The following WDR43 variants were observed in gnomAD, a reference collection of about 807,000 sequenced individuals.
WDR43 encodes the protein WD repeat-containing protein 43.
A neutral mutation model predicts 91.4 loss-of-function variants in WDR43; 13 were observed. The ratio of observed to expected loss-of-function variants is 0.14; its 90% CI spans 0.09 to 0.23. The LOEUF (loss-of-function observed/expected upper bound fraction) is 0.23. WDR43 is among the 10% of genes least tolerant of loss of function. The pLI is 1.00. For missense variants in WDR43, 780 were observed against 809.4 expected (o/e 0.96, Z 0.44); for synonymous variants, 331 against 287.9 (o/e 1.15, Z -1.51).
intron 4 of WDR43, chr2:28,913,634 A>C: frequency 1.9e-6 from 1 of 518,928 alleles, no homozygotes; most frequent in South Asian, 1.4e-5. Context: ...AGGAGGAAAA[A>C]GCTTTCACTC....
rs1190267069 is a variant in WDR43 at position 28,914,101 on chromosome 2, A to G, written c.639A>G (p.Ser213=). The change falls in exon 5 of 18, where the codon TCA becomes TCG. Residue 213 remains serine, a synonymous_variant. Coordinates refer to ENST00000407426, the MANE Select transcript of WDR43 (RefSeq NM_015131.3). Reference sequence around the variant, plus strand: ...CAGGACATGCAACGCCAGTTTCGTCACTGATGTTCACTACCATCAGACCTC... The same window carrying G: ...CAGGACATGCAACGCCAGTTTCGTCGCTGATGTTCACTACCATCAGACCTC... ...HFTGHATPVS[S]LMFTTIRPPN... 2.5e-6 allele frequency: 4 copies of G among 1,613,840 alleles called. No homozygotes were observed. The highest frequency in any genetic ancestry group is 1.1e-5 in the South Asian group (1 of 91,050).
chr2:28,907,460 A>AC (rs1360353472), intron 3 of WDR43, among the ~76,000 whole-genome samples: 3 of 146,032 alleles, frequency 2.1e-5, no homozygotes, highest in African/African-American at 7.5e-5. Flanking sequence ...AAAAAAAAAA[A>AC]AAAAAAAATT....
At chr2:28,927,255 G>T in intron 9 of WDR43, 1 of 479,900 alleles carries the variant, frequency 2.1e-6, no homozygotes, top group Non-Finnish European at 4.1e-6. Flanking sequence ...AAAGCCAGTT[G>T]AATTTAGTAG....
At chr2:28,916,983 A>G (rs1487875693) in intron 5 of WDR43, among the ~76,000 whole-genome samples, 36 of 152,198 alleles carry the variant, frequency 2.4e-4, no homozygotes, top group Admixed American at 2.2e-3. Context: ...CTTATTTAAC[A>G]CATATTTTCA....
At chr2:28,901,432 C>T (rs957460780) in intron 1 of WDR43, among the ~76,000 whole-genome samples, 1 of 152,220 alleles carries the variant, frequency 6.6e-6, no homozygotes, top group African/African-American at 2.4e-5. Flanking sequence ...CTTGTGTGCT[C>T]TGAGCTGCTC....
At chr2:28,916,984 CAT>C (rs1670923530) in intron 5 of WDR43, among the ~76,000 whole-genome samples, 1 of 152,292 alleles carries the variant, frequency 6.6e-6, no homozygotes, top group South Asian at 2.1e-4. Flanking sequence ...TTATTTAACA[CAT>C]ATTTTCACTG....
At position 28,947,877 on chromosome 2, in the gene WDR43, T is replaced by C. The variant is rs892640164; in HGVS notation, c.*1098T>C. ...TTATCAGTAGTAGTTTTTTTTTTTT[T>C]TTTTTTTTTTTTAAAGAATGAGCCG... On this transcript the variant is annotated 3_prime_UTR_variant, in exon 18 of 18. Transcript: ENST00000407426. 11 of 149,578 alleles carry C rather than the reference T, an allele frequency of 7.4e-5. No individual in the cohort carries two copies. Among genetic ancestry groups the C allele is most frequent in the Non-Finnish European group, 1.6e-4 (11 of 67,258 alleles). 9.3% of individuals were successfully genotyped at this position (149,578 alleles called of 1,614,324 possible).
Position 28,924,881 on chromosome 2 carries a change from G to A in WDR43, c.915-101G>A, listed in dbSNP as rs1322612201. 3 of 1,418,378 alleles carry A rather than the reference G, an allele frequency of 2.1e-6. No homozygotes were observed. The East Asian group carries it at 6.9e-5, about 32-fold the overall frequency. The allele number at this position is 1,418,378 out of a possible 1,614,324, so 87.9% of individuals were successfully genotyped here. ...GGTGACTCCTGATGGCAGTATAGAG[G>A]CTAGAGGGGGGTCACATTTCGTGAC... On this transcript the variant is annotated intron_variant, in intron 7 of 17. Transcript: ENST00000407426.
At chr2:28,899,640 G>T (rs540685878) in intron 1 of WDR43, among the ~76,000 whole-genome samples, 2 of 152,298 alleles carry the variant, frequency 1.3e-5, no homozygotes, top group East Asian at 3.9e-4. Context: ...AACATGTTTA[G>T]ATAGTAAATG....
rs528100010 is a variant in WDR43 at position 28,948,058 on chromosome 2, G to C, written c.*1279G>C. 6.6e-6 allele frequency: 1 copy of C among 152,022 alleles called. No individual in the cohort carries two copies. Among genetic ancestry groups the C allele is most frequent in the Non-Finnish European group, 1.5e-5 (1 of 67,998 alleles). 9.4% of individuals were successfully genotyped at this position (152,022 alleles called of 1,614,324 possible). A position where few individuals can be genotyped will look rare whatever the true frequency, so the allele number is the denominator to read the frequency against. On this transcript the variant is annotated 3_prime_UTR_variant, in exon 18 of 18. Coordinates refer to ENST00000407426, the MANE Select transcript of WDR43 (RefSeq NM_015131.3). ...AATACCAATGACAGAACAGAGATTT[G>C]TGTGCTCATCTTAAGAGCCAGAGCC... is the stretch of plus-strand genomic sequence containing the variant.
chr2:28,911,933 A>G (rs774313365), intron 3 of WDR43, among the ~76,000 whole-genome samples: 3 of 152,142 alleles, frequency 2.0e-5, no homozygotes, highest in Non-Finnish European at 2.9e-5. Context: ...CCCTGCTGTT[A>G]CTTCTTATAA....
chr2:28,904,574 A>G (rs77614559), intron 2 of WDR43, among the ~76,000 whole-genome samples: 235 of 152,298 alleles, frequency 1.5e-3, no homozygotes, highest in African/African-American at 5.4e-3. Flanking sequence ...ACAGACTAAA[A>G]ATGCCACTTT....
chr2:28,895,215 C>T (rs935669999), intron 1 of WDR43: 1 of 296,098 alleles, frequency 3.4e-6, no homozygotes, highest in Non-Finnish European at 6.2e-6. Flanking sequence ...TTCGCCAAGT[C>T]CCCTGGTCCC....
chr2:28,902,877 T>C (rs1467204499), intron 2 of WDR43, among the ~76,000 whole-genome samples: 2 of 152,232 alleles, frequency 1.3e-5, no homozygotes, highest in Non-Finnish European at 2.9e-5. Context: ...GTTCAGACAA[T>C]ATCTATTGCA....
rs751230587 is a variant in WDR43, at chr2:28,927,554, A to G, written c.1174-15A>G. On this transcript the variant is annotated splice_polypyrimidine_tract_variant and intron_variant, in intron 9 of 17. Transcript: ENST00000407426. The stretch of plus-strand genomic sequence containing the variant: ...TGATTTCCTTTTTCACACTTTGGCT[A>G]TTCCTGTTGAACAGGTGAGGACACC... 2.5e-6 allele frequency: 4 copies of G among 1,613,292 alleles called. No homozygotes were observed. Among genetic ancestry groups the G allele is most frequent in the Non-Finnish European group, 3.4e-6 (4 of 1,179,572 alleles).
intron 14 of WDR43, among the ~76,000 whole-genome samples, chr2:28,939,540 C>T (rs1388773810): frequency 6.6e-6 from 1 of 152,178 alleles, no homozygotes; most frequent in African/African-American, 2.4e-5. Context: ...TTCATTTCTT[C>T]CTTCCTTTGC....
Position 28,912,619 on chromosome 2 carries a change from G to A in WDR43, c.515G>A (p.Ser172Asn). 6.2e-7 allele frequency: 1 copy of A among 1,613,896 alleles called. No individual in the cohort carries two copies. Reference protein sequence around the residue: ...CKWKGDNSSVSSLCISPDGKM... With the variant: ...CKWKGDNSSVNSLCISPDGKM... ...TGGAAAGGCGACAATAGCAGTGTCAGTTCCCTATGTATCAGCCCAGATGGA... is the reference window on the plus strand; with the variant it reads ...TGGAAAGGCGACAATAGCAGTGTCAATTCCCTATGTATCAGCCCAGATGGA... Residue 172 changes from serine to asparagine, a missense_variant, in exon 4 of 18, where the codon AGT becomes AAT. Physicochemically the swap from Ser to Asn is conservative, Grantham distance 46 (BLOSUM62 1). Coordinates refer to ENST00000407426, the MANE Select transcript of WDR43 (RefSeq NM_015131.3).
chr2:28,942,619 CTTTTTTTTT>C (rs11379144), intron 16 of WDR43, among the ~76,000 whole-genome samples: 143 of 139,554 alleles, frequency 1.0e-3, no homozygotes, highest in Non-Finnish European at 1.7e-3. Context: ...TTTTTCTTTT[CTTTTTTTTT>C]TTTTTTAAGA....
At chr2:28,916,184 T>C (rs896795407) in intron 5 of WDR43, among the ~76,000 whole-genome samples, 1 of 152,226 alleles carries the variant, frequency 6.6e-6, no homozygotes, top group African/African-American at 2.4e-5. Context: ...TGACAGGTTT[T>C]GGGCCATTAC....
Sources: allele counts gnomAD v4.1 joint callset (sites outside exome capture counted in the v4.1 genomes callset), GRCh38; gene constraint gnomAD v4.1.1; transcripts MANE v1.5; gene names NCBI Gene and HGNC (gene_info 2026-07-23, HGNC 2026-07-21).